Variants in KICS2 observed in about 807,000 individuals in gnomAD.
KICS2 encodes KICSTOR complex protein C12orf66.
KICS2 carries 13 observed loss-of-function variants against 31.4 expected under a neutral mutation model. The observed-to-expected ratio is 0.41, with a 90% CI of 0.27 to 0.66. The LOEUF (loss-of-function observed/expected upper bound fraction) is 0.66, where lower values mean the gene tolerates loss of function less well. Ranked by LOEUF, KICS2 falls within the 30% of genes least tolerant of loss-of-function variation. KICS2 has a pLI of 0.28. For synonymous variants in KICS2, 209 were observed against 214.8 expected (o/e 0.97, Z 0.24); for missense variants, 455 against 545.4 (o/e 0.83, Z 1.65).
intron 2 of KICS2, among the ~76,000 whole-genome samples, chr12:64,203,534 G>A (rs1337351991): frequency 6.6e-6 from 1 of 152,136 alleles, no homozygotes; most frequent in African/African-American, 2.4e-5. Flanking sequence ...TATGTTCCAG[G>A]CACTATGGTA....
At position 64,191,088 on chromosome 12, in the gene KICS2, T is replaced by C. The variant is rs770231468; in HGVS notation, c.*2754A>G. 1.2e-4 allele frequency: 19 copies of C among 152,212 alleles called. No homozygotes were observed. The highest frequency in any genetic ancestry group is 2.2e-4 in the Non-Finnish European group (15 of 68,036). 9.4% of individuals were successfully genotyped at this position (152,212 alleles called of 1,614,324 possible). On this transcript the variant is annotated 3_prime_UTR_variant, in exon 3 of 3. Transcript: ENST00000398055. ...AAGCAGTCTGCAGAAAATACGCAGA[T>C]TTACTCTTTTAATTAGCAAAACACA...
chr12:64,215,331 T>G (rs2037617903), intron 2 of KICS2, among the ~76,000 whole-genome samples: 1 of 152,134 alleles, frequency 6.6e-6, no homozygotes. Context: ...ATTATTTTAC[T>G]ATGTTACAAT....
intron 2 of KICS2, among the ~76,000 whole-genome samples, chr12:64,195,736 GGGTGCACGCACCGTGC>G (rs1213491253): frequency 6.6e-6 from 1 of 152,374 alleles, no homozygotes; most frequent in East Asian, 1.9e-4. Context: ...GCAGGCCAGT[GGGTGCACGCACCGTGC>G]GCGAGCCGAA....
At chr12:64,214,566 C>A (rs949194744) in intron 2 of KICS2, among the ~76,000 whole-genome samples, 74 of 152,184 alleles carry the variant, frequency 4.9e-4, no homozygotes, top group Admixed American at 4.7e-3. Context: ...CAGTTGCTTT[C>A]GAAATCCTAC....
In KICS2 at chr12:64,191,585, T is replaced by C. The variant is rs949671114; in HGVS notation, c.*2257A>G. On this transcript the variant is annotated 3_prime_UTR_variant, in exon 3 of 3. Transcript: ENST00000398055. The stretch of plus-strand genomic sequence containing the variant: ...TACCAAGGAATATTTTTCAGTTTCT[T>C]GGCAGAACACAATAGAGAGGAAAAG... 3.9e-5 allele frequency: 6 copies of C among 152,208 alleles called. No homozygotes were observed. The highest frequency in any genetic ancestry group is 1.4e-4 in the African/African-American group (6 of 41,458). 9.4% of individuals were successfully genotyped at this position (152,208 alleles called of 1,614,324 possible).
chr12:64,219,364 C>T (rs1456171255), intron 1 of KICS2, among the ~76,000 whole-genome samples: 1 of 152,068 alleles, frequency 6.6e-6, no homozygotes, highest in African/African-American at 2.4e-5. Context: ...CTGATCCTTC[C>T]CCAAACAGGT....
intron 2 of KICS2, among the ~76,000 whole-genome samples, chr12:64,196,542 T>C (rs1423381317): frequency 1.3e-4 from 19 of 151,478 alleles, no homozygotes; most frequent in East Asian, 7.8e-4. Flanking sequence ...ACGCAGAGCG[T>C]CTCTCCTCCT....
At chr12:64,196,313 C>T (rs1592379887) in intron 2 of KICS2, among the ~76,000 whole-genome samples, 1 of 151,808 alleles carries the variant, frequency 6.6e-6, no homozygotes, top group Admixed American at 6.5e-5. Context: ...AGCAGCCTAA[C>T]TGGGAGGCAC....
intron 2 of KICS2, among the ~76,000 whole-genome samples, chr12:64,197,347 A>T (rs2037449909): frequency 6.8e-6 from 1 of 146,318 alleles, no homozygotes; most frequent in Non-Finnish European, 1.5e-5. Context: ...ATCCAGCCAA[A>T]CTAAGCTTCA....
At chr12:64,211,742 A>T (rs533215856) in intron 2 of KICS2, among the ~76,000 whole-genome samples, 1 of 152,358 alleles carries the variant, frequency 6.6e-6, no homozygotes, top group Non-Finnish European at 1.5e-5. Flanking sequence ...TGAACATATT[A>T]TATATCAAAC....
At position 64,222,070 on chromosome 12, in the gene KICS2, C is replaced by A; in HGVS notation, c.168G>T (p.Ala56=). 1.9e-6 allele frequency: 3 copies of A among 1,613,784 alleles called. No homozygotes were observed. The highest frequency in any genetic ancestry group is 1.1e-5 in the South Asian group (1 of 91,072). ...SAGGSWLSLL[A]ALAHLAAAEK... ...CGGCCGCGGCCAGGTGCGCCAAGGC[C>A]GCCAGCAGCGACAGCCAGCTGCCCC... is the stretch of plus-strand genomic sequence containing the variant. Residue 56 remains alanine, a synonymous_variant, in exon 1 of 3, where the codon GCG becomes GCT. Coordinates refer to ENST00000398055, the MANE Select transcript of KICS2 (RefSeq NM_152440.5).
intron 2 of KICS2, among the ~76,000 whole-genome samples, chr12:64,206,823 TG>T (rs1311167929): frequency 6.6e-6 from 1 of 152,182 alleles, no homozygotes; most frequent in Non-Finnish European, 1.5e-5. Flanking sequence ...TAGTTATATG[TG>T]GTATCCAGAG....
At chr12:64,216,870 G>A (rs570743096) in intron 1 of KICS2, among the ~76,000 whole-genome samples, 1 of 152,204 alleles carries the variant, frequency 6.6e-6, no homozygotes, top group South Asian at 2.1e-4. Flanking sequence ...CAAAGGGCCA[G>A]AGGCAAGATA....
At chr12:64,205,051 T>C (rs371080840) in intron 2 of KICS2, among the ~76,000 whole-genome samples, 2 of 152,304 alleles carry the variant, frequency 1.3e-5, no homozygotes, top group South Asian at 2.1e-4. Flanking sequence ...TCTATAATCA[T>C]GGCTATTAGG....
chr12:64,205,206 CT>C, intron 2 of KICS2, among the ~76,000 whole-genome samples: 1 of 152,194 alleles, frequency 6.6e-6, no homozygotes, highest in Non-Finnish European at 1.5e-5. Flanking sequence ...ATCCAATGCT[CT>C]CCTTAAGAGG....
Position 64,218,097 on chromosome 12 carries a change from A to G in KICS2, c.236-2134T>C, listed in dbSNP as rs12310719. Among the ~76,000 whole-genome samples the G allele has an allele frequency of 7.1e-3, 1,080 of 152,278 alleles. 18 individuals carry two copies. Among genetic ancestry groups the G allele is most frequent in the African/African-American group, 0.023 (969 of 41,548 alleles). On this transcript the variant is annotated intron_variant, in intron 1 of 2. Transcript: ENST00000398055. ...TCCAACTAATACAATTAAAGTCCATATGGGTACAGGTGGACCAGATGTGAC... is the reference window on the plus strand; with the variant it reads ...TCCAACTAATACAATTAAAGTCCATGTGGGTACAGGTGGACCAGATGTGAC...
chr12:64,216,126 AATCATAAATACTTTATGATT>A (rs1265920702), intron 1 of KICS2, 163 bp from the exon 2 acceptor site: 1,224 of 90,632 alleles, frequency 0.014, 19 homozygotes, highest in African/African-American at 0.047. Flanking sequence ...ACTTTATGAT[AATCATAAATACTTTATGATT>A]ATCATAAATA....
In KICS2 at chr12:64,217,312, A is replaced by G. The variant is rs553323444; in HGVS notation, c.236-1349T>C. On this transcript the variant is annotated intron_variant, in intron 1 of 2. Transcript: ENST00000398055. ...GTTGGTTACCCTACTTATTTCTGAC[A>G]CCCCAGACAAACTACTGATACTTTG... Among the ~76,000 whole-genome samples, 33 of 152,202 alleles carry G rather than the reference A, an allele frequency of 2.2e-4. No individual in the cohort carries two copies. The South Asian group carries it at 3.5e-3, about 16-fold the overall frequency.
Position 64,218,853 on chromosome 12 carries a change from A to G in KICS2, c.236-2890T>C, listed in dbSNP as rs867688103. Among the ~76,000 whole-genome samples the G allele has an allele frequency of 2.3e-4, 35 of 152,356 alleles. 1 individual carries two copies. Among genetic ancestry groups the G allele is most frequent in the African/African-American group, 7.5e-4 (31 of 41,588 alleles). On this transcript the variant is annotated intron_variant, in intron 1 of 2. Transcript: ENST00000398055. ...AACCAAGTAAAGTGAAACTACTCTAAGGAAGAGATAGACCATCAACACATT... is the reference window on the plus strand; with the variant it reads ...AACCAAGTAAAGTGAAACTACTCTAGGGAAGAGATAGACCATCAACACATT...
Sources: allele counts gnomAD v4.1 joint callset (sites outside exome capture counted in the v4.1 genomes callset), GRCh38; gene constraint gnomAD v4.1.1; transcripts MANE v1.5; gene names NCBI Gene and HGNC (gene_info 2026-07-23, HGNC 2026-07-21).